The following TP53BP1 variants were observed in gnomAD, a reference collection of about 807,000 sequenced individuals.
TP53BP1 encodes TP53-binding protein 1.
A neutral mutation model predicts 200.8 loss-of-function variants in TP53BP1; 61 were observed. That is an observed-to-expected ratio of 0.30 (90% CI 0.25 to 0.38). The LOEUF (loss-of-function observed/expected upper bound fraction) is 0.38, where lower values mean the gene tolerates loss of function less well. TP53BP1 is among the 10% of genes least tolerant of loss of function. TP53BP1 has a pLI of 1.00. For missense variants in TP53BP1, 2,144 were observed against 2,371.9 expected (o/e 0.90, Z 2.00); for synonymous variants, 822 against 844.3 (o/e 0.97, Z 0.46).
In TP53BP1 at chr15:43,444,008, A is replaced by G. The variant is rs2045987585; in HGVS notation, c.3040+2379T>C. On this transcript the variant is annotated intron_variant, in intron 14 of 27. Coordinates refer to ENST00000382044, the MANE Select transcript of TP53BP1 (RefSeq NM_001141980.3). Reference sequence around the variant, plus strand: ...CCTGGCTATTGCACTTAATAGTCCAACCTAGGAGTAAACTACTTTGTCATT... The same window carrying G: ...CCTGGCTATTGCACTTAATAGTCCAGCCTAGGAGTAAACTACTTTGTCATT... Among the ~76,000 whole-genome samples the G allele has an allele frequency of 2.0e-5, 3 of 152,210 alleles. No homozygotes were observed. In the South Asian group the frequency reaches 6.2e-4, roughly 32 times the overall value.
intron 11 of TP53BP1, among the ~76,000 whole-genome samples, chr15:43,459,863 T>C (rs1046619033): frequency 2.0e-5 from 3 of 152,084 alleles, no homozygotes; most frequent in Non-Finnish European, 4.4e-5. Flanking sequence ...AATGGGATCC[T>C]GCTATATTGC....
intron 10 of TP53BP1, among the ~76,000 whole-genome samples, chr15:43,473,216 G>C (rs1397829933): frequency 6.6e-6 from 1 of 152,124 alleles, no homozygotes; most frequent in Admixed American, 6.6e-5. Context: ...ATTGCAAAGA[G>C]TGAAAGAACA....
chr15:43,480,284 C>T (rs1332090856), intron 5 of TP53BP1, among the ~76,000 whole-genome samples: 1 of 152,054 alleles, frequency 6.6e-6, no homozygotes, highest in East Asian at 1.9e-4. Context: ...CCCATCTCTA[C>T]TAAAAATACA....
At chr15:43,468,746 T>C (rs2046649831) in intron 11 of TP53BP1, among the ~76,000 whole-genome samples, 1 of 152,200 alleles carries the variant, frequency 6.6e-6, no homozygotes, top group African/African-American at 2.4e-5. Context: ...ACAGTATCAA[T>C]ATCCCCATCA....
chr15:43,429,367 C>A (rs2045620624), intron 17 of TP53BP1, among the ~76,000 whole-genome samples: 1 of 152,100 alleles, frequency 6.6e-6, no homozygotes, highest in African/African-American at 2.4e-5. Flanking sequence ...CATTTTTTCA[C>A]ATCTTTATCC....
intron 19 of TP53BP1, chr15:43,421,626 T>G: frequency 1.6e-6 from 1 of 613,130 alleles, no homozygotes; most frequent in Non-Finnish European, 2.8e-6. Context: ...CCCTGTTACC[T>G]ACATTTTCTC....
At position 43,406,815 on chromosome 15, in the gene TP53BP1, T is replaced by C. The variant is rs1277951507; in HGVS notation, c.*568A>G. ...GTCATTCCATCAAGCTTATGGTCAC[T>C]GTCCCTTCATGGCAGTTGGTCCTTT... On this transcript the variant is annotated 3_prime_UTR_variant, in exon 28 of 28. Transcript: ENST00000382044. The C allele has an allele frequency of 2.9e-6, 1 of 343,138 alleles. No individual in the cohort carries two copies. 21.3% of individuals were successfully genotyped at this position (343,138 alleles called of 1,614,324 possible).
At position 43,492,315 on chromosome 15, in the gene TP53BP1, T is replaced by C. The variant is rs1401253702; in HGVS notation, c.161A>G (p.Asn54Ser). The C allele has an allele frequency of 3.1e-6, 5 of 1,613,934 alleles. No individual in the cohort carries two copies. Among genetic ancestry groups the C allele is most frequent in the Non-Finnish European group, 4.2e-6 (5 of 1,180,010 alleles). ...HFSMLSRHLP[N>S]LQTHKENPVL... ...AGGATTTTCTTTGTGCGTCTGGAGA[T>C]TAGGAAGGTGTCGAGATAGCATACT... The change falls in exon 2 of 28, where the codon AAT becomes AGT. Residue 54 changes from asparagine to serine, a missense_variant. By Grantham distance (46) the Asn-to-Ser change is conservative. Coordinates refer to ENST00000382044, the MANE Select transcript of TP53BP1 (RefSeq NM_001141980.3).
chr15:43,474,800 A>C, intron 9 of TP53BP1, 33 bp from the exon 10 acceptor site: 1 of 1,457,530 alleles, frequency 6.9e-7, no homozygotes, highest in South Asian at 1.2e-5. Context: ...AGGTTATTTT[A>C]CCATAGCCAC....
At position 43,411,465 on chromosome 15, in the gene TP53BP1, T is replaced by C. The variant is rs191186821; in HGVS notation, c.5305+1654A>G. Among the ~76,000 whole-genome samples, 59 of 152,368 alleles carry C rather than the reference T, an allele frequency of 3.9e-4. No individual in the cohort carries two copies. The South Asian group carries it at 7.2e-3, about 19-fold the overall frequency. On this transcript the variant is annotated intron_variant, in intron 24 of 27. Transcript: ENST00000382044. ...TAAATATTTTACTGAGCTCCTGTTG[T>C]AAGCTGGTGTCTAAGAATTCCTATT...
chr15:43,464,294 C>T (rs1282909424), intron 11 of TP53BP1, among the ~76,000 whole-genome samples: 2 of 151,876 alleles, frequency 1.3e-5, no homozygotes, highest in African/African-American at 4.8e-5. Flanking sequence ...AATACTGTTA[C>T]AGAGATAAGA....
In TP53BP1 at chr15:43,456,959, A is replaced by G. The variant is rs2046313385; in HGVS notation, c.1649T>C (p.Ile550Thr). ...TGGAGACATGGGTTCCGTATCCTCA[A>G]TCTGTGTGTTTTCTCCATCTTCATC... ...RIDEDGENTQ[I>T]EDTEPMSPVL... is the part of the protein sequence containing the mutation. The change falls in exon 12 of 28, where the codon ATT (isoleucine) becomes ACT (threonine). Residue 550 changes from isoleucine to threonine, a missense_variant. By Grantham distance (89) the Ile-to-Thr change is moderately conservative. Coordinates refer to ENST00000382044, the MANE Select transcript of TP53BP1 (RefSeq NM_001141980.3). 2 of 1,614,160 alleles carry G rather than the reference A, an allele frequency of 1.2e-6. No homozygotes were observed. Among genetic ancestry groups the G allele is most frequent in the Non-Finnish European group, 1.7e-6 (2 of 1,180,022 alleles).
At chr15:43,428,935 G>A (rs919149918) in intron 17 of TP53BP1, among the ~76,000 whole-genome samples, 1 of 152,140 alleles carries the variant, frequency 6.6e-6, no homozygotes, top group African/African-American at 2.4e-5. Flanking sequence ...ACTTAAGGGT[G>A]CCAGGTACTA....
chr15:43,472,021 T>C (rs2046737968), intron 10 of TP53BP1, among the ~76,000 whole-genome samples: 1 of 152,240 alleles, frequency 6.6e-6, no homozygotes, highest in African/African-American at 2.4e-5. Flanking sequence ...ACTGATAAAT[T>C]ACATTTGAAA....
At position 43,405,175 on chromosome 15, in the gene TP53BP1, TAA is replaced by T; in HGVS notation, c.*2206_*2207del. On this transcript the variant is annotated 3_prime_UTR_variant, in exon 28 of 28. Coordinates refer to ENST00000382044, the MANE Select transcript of TP53BP1 (RefSeq NM_001141980.3). ...GGTAGTCTTGGGAAAGCATGACACT[TAA>T]TAAGGCTCTTTTTCTCTTTTGTAGT... 4 of 1,613,978 alleles carry T rather than the reference TAA, an allele frequency of 2.5e-6. No individual in the cohort carries two copies. The highest frequency in any genetic ancestry group is 3.4e-6 in the Non-Finnish European group (4 of 1,179,856).
At chr15:43,500,822 A>G (rs961353962) in intron 1 of TP53BP1, among the ~76,000 whole-genome samples, 5 of 152,114 alleles carry the variant, frequency 3.3e-5, no homozygotes, top group African/African-American at 1.2e-4. Context: ...CTCTGTCTCA[A>G]AGAAATAAAA....
upstream of TP53BP1, chr15:43,493,291 C>G: frequency 1.5e-6 from 2 of 1,300,038 alleles, no homozygotes; most frequent in Non-Finnish European, 2.0e-6. Flanking sequence ...CACGGCGGCG[C>G]GTTTCCATGG....
At chr15:43,415,357 C>T (rs767705726) in intron 23 of TP53BP1, 5 of 607,446 alleles carry the variant, frequency 8.2e-6, no homozygotes, top group Middle Eastern at 3.1e-4. Flanking sequence ...TACAGGCGCC[C>T]GCCACCACAC....
intron 11 of TP53BP1, among the ~76,000 whole-genome samples, chr15:43,467,006 T>C (rs892864451): frequency 6.6e-6 from 1 of 152,170 alleles, no homozygotes; most frequent in African/African-American, 2.4e-5. Flanking sequence ...GTTTTACACA[T>C]GCTTATTAAG....
Sources: gnomAD v4.1 joint callset for allele counts (sites outside exome capture counted in the v4.1 genomes callset) on GRCh38, gnomAD v4.1.1 for gene constraint, MANE v1.5 for transcripts, NCBI Gene and HGNC (gene_info 2026-07-23, HGNC 2026-07-21) for gene names.